The following ERC2 variants were observed in gnomAD, a reference collection of about 807,000 sequenced individuals.
ERC2 encodes ERC protein 2.
A neutral mutation model predicts 114.8 loss-of-function variants in ERC2; 42 were observed. That is an observed-to-expected ratio of 0.37 (90% CI 0.29 to 0.47). ERC2 has a LOEUF of 0.47. Among genes scored for constraint, ERC2 ranks in the 20% least tolerant of loss-of-function variants. The probability of loss-of-function intolerance (pLI) is 0.99; values close to 1 mark genes in which losing one functional copy is unlikely to be tolerated. For synonymous variants in ERC2, 454 were observed against 425.5 expected (o/e 1.07, Z -0.82); for missense variants, 939 against 1,150.7 (o/e 0.82, Z 2.66).
chr3:56,062,312 A>T (rs897052758), intron 7 of ERC2, among the ~76,000 whole-genome samples: 3 of 152,226 alleles, frequency 2.0e-5, no homozygotes, highest in Admixed American at 2.0e-4. Flanking sequence ...GCAAAACTGT[A>T]CACCTCTGTA....
At chr3:55,841,865 C>T (rs367615375) in intron 14 of ERC2, among the ~76,000 whole-genome samples, 2 of 152,206 alleles carry the variant, frequency 1.3e-5, no homozygotes, top group Admixed American at 6.5e-5. Context: ...ACTTCAGAGC[C>T]CAACCTCTTA....
intron 9 of ERC2, among the ~76,000 whole-genome samples, chr3:56,009,395 G>A (rs182767823): frequency 2.4e-4 from 37 of 152,188 alleles, no homozygotes; most frequent in East Asian, 7.7e-4. Flanking sequence ...TAGGAAATAC[G>A]GATTTTCTTT....
chr3:55,895,806 C>T (rs1392936152), intron 13 of ERC2, among the ~76,000 whole-genome samples: 3 of 152,192 alleles, frequency 2.0e-5, no homozygotes, highest in Non-Finnish European at 4.4e-5. Flanking sequence ...AAACTTGATA[C>T]TTTCCTACCC....
At chr3:55,975,675 C>T (rs1250695418) in intron 12 of ERC2, among the ~76,000 whole-genome samples, 3 of 152,316 alleles carry the variant, frequency 2.0e-5, no homozygotes, top group South Asian at 2.1e-4. Context: ...AGATACTCCT[C>T]GTTATGTTCA....
chr3:56,342,850 G>A (rs1221935388), intron 2 of ERC2, among the ~76,000 whole-genome samples: 1 of 152,170 alleles, frequency 6.6e-6, no homozygotes, highest in Non-Finnish European at 1.5e-5. Context: ...TGGTCTGTGG[G>A]ATGAGAAAAT....
At chr3:55,737,295 A>G (rs2065694192) in intron 14 of ERC2, among the ~76,000 whole-genome samples, 1 of 152,204 alleles carries the variant, frequency 6.6e-6, no homozygotes, top group African/African-American at 2.4e-5. Context: ...TCCATTTTCC[A>G]GAAGAAAAGC....
chr3:55,928,503 C>T (rs1384685566), intron 13 of ERC2, among the ~76,000 whole-genome samples: 2 of 152,056 alleles, frequency 1.3e-5, no homozygotes, highest in African/African-American at 4.8e-5. Context: ...CTTATATATT[C>T]TGGTTATCAA....
At chr3:56,243,858 A>G (rs544280526) in intron 3 of ERC2, among the ~76,000 whole-genome samples, 1 of 152,214 alleles carries the variant, frequency 6.6e-6, no homozygotes, top group East Asian at 1.9e-4. Flanking sequence ...AGTTCCCTTT[A>G]GAGGCAGAAA....
chr3:55,734,665 T>C, intron 15 of ERC2, 106 bp downstream of exon 15: 1 of 1,398,216 alleles, frequency 7.2e-7, no homozygotes, highest in Non-Finnish European at 9.6e-7. Context: ...TTTAGGAGCT[T>C]GAGCCCACAG....
chr3:55,973,424 G>T (rs748491921), intron 12 of ERC2, among the ~76,000 whole-genome samples: 1 of 152,194 alleles, frequency 6.6e-6, no homozygotes. Flanking sequence ...TATTTTGGTT[G>T]CATGGGAAGT....
intron 7 of ERC2, among the ~76,000 whole-genome samples, chr3:56,038,857 C>T (rs761838153): frequency 7.2e-5 from 11 of 152,186 alleles, no homozygotes; most frequent in Non-Finnish European, 1.5e-4. Context: ...ACTGCATGTT[C>T]TCACTTATAA....
At chr3:55,546,628 C>T (rs1289868304) in intron 17 of ERC2, among the ~76,000 whole-genome samples, 1 of 152,198 alleles carries the variant, frequency 6.6e-6, no homozygotes, top group African/African-American at 2.4e-5. Context: ...CCTATTTCAC[C>T]ATCACAGTGA....
At chr3:55,965,464 T>C (rs1159372880) in intron 12 of ERC2, among the ~76,000 whole-genome samples, 1 of 152,214 alleles carries the variant, frequency 6.6e-6, no homozygotes, top group African/African-American at 2.4e-5. Flanking sequence ...CCATATTATA[T>C]GTTAGCTATT....
At chr3:56,195,857 C>T (rs1335175118) in intron 3 of ERC2, among the ~76,000 whole-genome samples, 2 of 151,742 alleles carry the variant, frequency 1.3e-5, no homozygotes, top group African/African-American at 4.8e-5. Context: ...AGGTCAATAC[C>T]ATACATGCTG....
chr3:55,674,974 A>G (rs2061720413), intron 17 of ERC2, among the ~76,000 whole-genome samples: 1 of 152,182 alleles, frequency 6.6e-6, no homozygotes, highest in African/African-American at 2.4e-5. Context: ...AAGGCTCAGC[A>G]TCTCAGTGAT....
chr3:55,573,627 C>T (rs935504222), intron 17 of ERC2, among the ~76,000 whole-genome samples: 1 of 152,068 alleles, frequency 6.6e-6, no homozygotes, highest in African/African-American at 2.4e-5. Context: ...CTTTCTTTTC[C>T]ATTTGCACAG....
intron 2 of ERC2, among the ~76,000 whole-genome samples, chr3:56,299,433 A>AT (rs202209933): frequency 0.016 from 1,971 of 120,766 alleles, 26 homozygotes; most frequent in African/African-American, 0.046. Context: ...CAGCTAATAG[A>AT]TTTTTTTTTT....
chr3:55,607,541 T>C (rs1349483396), intron 17 of ERC2, among the ~76,000 whole-genome samples: 1 of 151,222 alleles, frequency 6.6e-6, no homozygotes, highest in East Asian at 1.9e-4. Context: ...GCTCCTCCAA[T>C]GCCCACAATC....
chr3:55,874,158 A>T (rs1371095635), intron 14 of ERC2, among the ~76,000 whole-genome samples: 1 of 152,210 alleles, frequency 6.6e-6, no homozygotes, highest in African/African-American at 2.4e-5. Flanking sequence ...AGCTTGCCTC[A>T]AAGAATGCTA....
Sources: allele counts gnomAD v4.1 joint callset (sites outside exome capture counted in the v4.1 genomes callset), GRCh38; gene constraint gnomAD v4.1.1; transcripts MANE v1.5; gene names NCBI Gene and HGNC (gene_info 2026-07-23, HGNC 2026-07-21).